Variants in SPON2 observed in about 807,000 individuals in gnomAD.
SPON2 encodes spondin-2.
A neutral mutation model predicts 29.9 loss-of-function variants in SPON2; 32 were observed. The ratio of observed to expected loss-of-function variants is 1.07; its 90% CI spans 0.81 to 1.44. The LOEUF (loss-of-function observed/expected upper bound fraction) is 1.44. Among genes scored for constraint, SPON2 ranks in the 40% most tolerant of loss-of-function variants. The probability of loss-of-function intolerance (pLI) is 0.00; values close to 1 mark genes in which losing one functional copy is unlikely to be tolerated. For missense variants in SPON2, 541 were observed against 455.5 expected, an observed-to-expected ratio of 1.19 and a Z score of -1.71; for synonymous variants, 248 against 209.1, an observed-to-expected ratio of 1.19 and a Z score of -1.61.
intron 1 of SPON2, among the ~76,000 whole-genome samples, chr4:1,192,009 GC>G (rs1416787819): frequency 2.0e-5 from 3 of 152,250 alleles, no homozygotes; most frequent in African/African-American, 4.8e-5. Flanking sequence ...AAGAGACTCA[GC>G]CCCATGAGGA....
chr4:1,186,691 A>C (rs1727813907), intron 1 of SPON2, among the ~76,000 whole-genome samples: 1 of 152,210 alleles, frequency 6.6e-6, no homozygotes, highest in Non-Finnish European at 1.5e-5. Context: ...TAAGACAAAA[A>C]ACTCAATTTA....
intron 1 of SPON2, among the ~76,000 whole-genome samples, chr4:1,204,271 G>A (rs1282142733): frequency 2.0e-5 from 3 of 152,188 alleles, no homozygotes. Flanking sequence ...TTACCCTGGA[G>A]CCGATACACA....
intron 1 of SPON2, among the ~76,000 whole-genome samples, chr4:1,203,055 G>A (rs950113078): frequency 2.6e-5 from 4 of 152,198 alleles, no homozygotes; most frequent in Admixed American, 2.6e-4. Context: ...TAGCTTGGCT[G>A]TTTTTCCTCC....
intron 2 of SPON2, among the ~76,000 whole-genome samples, chr4:1,178,580 T>C (rs532799314): frequency 6.6e-6 from 1 of 152,080 alleles, no homozygotes; most frequent in South Asian, 2.1e-4. Context: ...ACCTAAAGGA[T>C]TCTTCCTGTG....
At chr4:1,170,663 C>T (rs1301703533) in intron 4 of SPON2, 87 bp from the exon 5 acceptor site, 17 of 1,435,940 alleles carry the variant, frequency 1.2e-5, no homozygotes, top group Admixed American at 7.9e-5. Context: ...CACTGCCCAG[C>T]GTCCAGCGTG....
At chr4:1,176,964 A>G (rs1727616764), upstream of SPON2, among the ~76,000 whole-genome samples, 1 of 152,248 alleles carries the variant, frequency 6.6e-6, no homozygotes, top group Non-Finnish European at 1.5e-5. Context: ...GAGTGACCCC[A>G]CTAGGCCCAA....
upstream of SPON2, among the ~76,000 whole-genome samples, chr4:1,195,334 C>T (rs1356190511): frequency 6.6e-6 from 1 of 152,180 alleles, no homozygotes; most frequent in Admixed American, 6.5e-5. Context: ...TCCACTACTC[C>T]CACAGGCAAC....
chr4:1,184,077 A>C (rs1727748875), intron 1 of SPON2, among the ~76,000 whole-genome samples: 1 of 152,184 alleles, frequency 6.6e-6, no homozygotes, highest in Non-Finnish European at 1.5e-5. Context: ...TCTCAGGCTC[A>C]GGTGATTCTC....
chr4:1,181,330 C>A (rs753675368), intron 1 of SPON2, among the ~76,000 whole-genome samples: 4 of 152,098 alleles, frequency 2.6e-5, no homozygotes, highest in Non-Finnish European at 5.9e-5. Flanking sequence ...AAATCAAAAC[C>A]AGAGTCTATC....
chr4:1,198,937 C>T (rs141234708), upstream of SPON2: 5 of 151,536 alleles, frequency 3.3e-5, no homozygotes, highest in African/African-American at 9.7e-5. Flanking sequence ...AATCCAGGGT[C>T]GACTCGTGGG....
chr4:1,180,453 T>C (rs778223717), intron 1 of SPON2, among the ~76,000 whole-genome samples: 3 of 152,172 alleles, frequency 2.0e-5, no homozygotes, highest in Non-Finnish European at 4.4e-5. Flanking sequence ...AAAATGTTCA[T>C]TTTTCAACAA....
intron 2 of SPON2, 58 bp downstream of exon 2, chr4:1,171,794 G>T (rs895044347): frequency 2.4e-5 from 28 of 1,166,916 alleles, no homozygotes; most frequent in Non-Finnish European, 3.5e-5. Flanking sequence ...CTGTGCGGGG[G>T]GCTCCGGCGC....
chr4:1,177,425 C>G (rs1429963225), upstream of SPON2, among the ~76,000 whole-genome samples: 1 of 152,188 alleles, frequency 6.6e-6, no homozygotes, highest in African/African-American at 2.4e-5. Context: ...CTGTGAAGCT[C>G]CTTTCCCAGT....
chr4:1,208,521 G>A (rs1728404223), upstream of SPON2: 1 of 152,260 alleles, frequency 6.6e-6, no homozygotes, highest in African/African-American at 2.4e-5. Context: ...GTAGCCTGAG[G>A]TGCTGGGGCT....
intron 1 of SPON2, among the ~76,000 whole-genome samples, chr4:1,184,672 T>C (rs1727759029): frequency 6.6e-6 from 1 of 152,182 alleles, no homozygotes; most frequent in African/African-American, 2.4e-5. Context: ...CGGTGGCTCA[T>C]GCCTGTAATC....
At chr4:1,207,784 T>A in intron 1 of SPON2, 1 of 154,546 alleles carries the variant, frequency 6.5e-6, no homozygotes, top group Non-Finnish European at 1.4e-5. Flanking sequence ...GGACCCTACA[T>A]GGGAAGCCCT....
upstream of SPON2, among the ~76,000 whole-genome samples, chr4:1,177,910 G>C (rs1246726425): frequency 3.3e-5 from 5 of 152,154 alleles, no homozygotes; most frequent in African/African-American, 1.2e-4. Context: ...TCAGTTTCTG[G>C]CTCCCCCAAG....
At chr4:1,205,182 A>C (rs1728308967) in intron 1 of SPON2, 1 of 152,358 alleles carries the variant, frequency 6.6e-6, no homozygotes, top group Non-Finnish European at 1.5e-5. Flanking sequence ...AACGCTGACC[A>C]GACTTTGCAC....
intron 1 of SPON2, among the ~76,000 whole-genome samples, chr4:1,183,492 T>A (rs1727737318): frequency 1.3e-5 from 2 of 152,222 alleles, no homozygotes; most frequent in African/African-American, 4.8e-5. Flanking sequence ...CACTTTTTTG[T>A]TTTCTAAATG....
Sources: gnomAD v4.1 joint callset for allele counts (sites outside exome capture counted in the v4.1 genomes callset) on GRCh38, gnomAD v4.1.1 for gene constraint, MANE v1.5 for transcripts, NCBI Gene and HGNC (gene_info 2026-07-23, HGNC 2026-07-21) for gene names.